Variants in DAPK1 observed in about 807,000 individuals in gnomAD.
DAPK1 encodes death associated protein kinase 1, also known as death-associated protein kinase 1.
Under a neutral mutation model 144.9 loss-of-function variants are expected in DAPK1, and 56 were observed. The observed-to-expected ratio is 0.39, with a 90% CI of 0.31 to 0.48. DAPK1 has a LOEUF of 0.48. Among genes scored for constraint, DAPK1 ranks in the 20% least tolerant of loss-of-function variants. The pLI, the probability that DAPK1 is intolerant of heterozygous loss-of-function variation, is 0.95. For synonymous variants in DAPK1, 690 were observed against 749.0 expected (o/e 0.92, Z 1.29); for missense variants, 1,454 against 1,875.4 (o/e 0.78, Z 4.15).
intron 3 of DAPK1, chr9:87,631,975 T>C: frequency 3.1e-6 from 2 of 646,074 alleles, no homozygotes; most frequent in East Asian, 1.3e-4. Flanking sequence ...TGAGTATATA[T>C]GTAGAAATAA....
At position 87,605,118 on chromosome 9, in the gene DAPK1, T is replaced by G; in HGVS notation, c.227T>G (p.Val76Gly). 6.2e-7 allele frequency: 1 copy of G among 1,614,154 alleles called. No homozygotes were observed. Among genetic ancestry groups the G allele is most frequent in the Non-Finnish European group, 8.5e-7 (1 of 1,180,026 alleles). ...CTGAAGGAGATCCAGCACCCCAATG[T>G]CATCACCCTGCACGAGGTCTATGAG... ...SILKEIQHPN[V>G]ITLHEVYENK... The change falls in exon 3 of 26, where the codon GTC (valine) becomes GGC (glycine). Residue 76 changes from valine (V) to glycine (G), a missense_variant. Val to Gly is a moderately radical substitution (Grantham distance 109). Around this residue, in one of 2 missense-constraint regions of DAPK1, gnomAD observed 429 missense variants for 637.5 expected, o/e 0.67. Transcript: ENST00000408954.
intron 2 of DAPK1, among the ~76,000 whole-genome samples, chr9:87,500,927 A>G (rs1016099894): frequency 9.9e-5 from 15 of 152,260 alleles, no homozygotes; most frequent in African/African-American, 3.4e-4. Context: ...GTACAGACTC[A>G]TCTATCTTGT....
intron 3 of DAPK1, among the ~76,000 whole-genome samples, chr9:87,619,531 C>T (rs1468490113): frequency 6.6e-6 from 1 of 152,154 alleles, no homozygotes; most frequent in African/African-American, 2.4e-5. Context: ...GAGCCACAGG[C>T]ACTGCTTCCC....
intron 3 of DAPK1, among the ~76,000 whole-genome samples, chr9:87,625,170 T>A (rs1829448952): frequency 6.6e-6 from 1 of 152,164 alleles, no homozygotes; most frequent in Non-Finnish European, 1.5e-5. Flanking sequence ...TTAATCGCTG[T>A]CCCAGAAGGC....
At chr9:87,557,241 C>T (rs932044500) in intron 2 of DAPK1, among the ~76,000 whole-genome samples, 1 of 152,128 alleles carries the variant, frequency 6.6e-6, no homozygotes, top group African/African-American at 2.4e-5. Flanking sequence ...CAGGCAGCCC[C>T]ATGAGGAATG....
chr9:87,617,047 C>T (rs1829122638), intron 3 of DAPK1, among the ~76,000 whole-genome samples: 1 of 152,202 alleles, frequency 6.6e-6, no homozygotes, highest in Non-Finnish European at 1.5e-5. Flanking sequence ...ACACTTCAGT[C>T]CTGATGCTGT....
At chr9:87,657,965 C>T (rs184154796) in intron 17 of DAPK1, 64 bp from the exon 18 acceptor site, 3 of 731,896 alleles carry the variant, frequency 4.1e-6, no homozygotes, top group East Asian at 2.6e-5. Context: ...CTTGTGTCTC[C>T]GGAATGTCAT....
chr9:87,678,037 A>T (rs1364692805), intron 19 of DAPK1, among the ~76,000 whole-genome samples: 1 of 152,258 alleles, frequency 6.6e-6, no homozygotes, highest in South Asian at 2.1e-4. Flanking sequence ...GGACATTGCT[A>T]TCAAGACCCC....
chr9:87,676,339 G>A (rs935716566), intron 19 of DAPK1, among the ~76,000 whole-genome samples: 1 of 152,244 alleles, frequency 6.6e-6, no homozygotes, highest in African/African-American at 2.4e-5. Flanking sequence ...TCTCTGAGTT[G>A]GAGATAGATC....
chr9:87,504,079 C>T (rs766129522), intron 2 of DAPK1, among the ~76,000 whole-genome samples: 1 of 152,116 alleles, frequency 6.6e-6, no homozygotes, highest in Non-Finnish European at 1.5e-5. Context: ...AGGGGAGAGA[C>T]TTTCTGGCAT....
intron 2 of DAPK1, among the ~76,000 whole-genome samples, chr9:87,538,356 A>G (rs943063872): frequency 6.6e-6 from 1 of 152,210 alleles, no homozygotes; most frequent in Admixed American, 6.5e-5. Context: ...AAAGAAAATC[A>G]TTGTAAATAT....
chr9:87,641,025 G>A (rs1325790009), intron 9 of DAPK1, among the ~76,000 whole-genome samples, 178 bp downstream of exon 9: 1 of 152,194 alleles, frequency 6.6e-6, no homozygotes, highest in East Asian at 1.9e-4. Flanking sequence ...AATGATCCCA[G>A]AGGTGGGGAG....
chr9:87,637,966 A>G lies in DAPK1; in HGVS notation c.308A>G (p.Asp103Gly). The G allele has an allele frequency of 6.2e-7, 1 of 1,614,070 alleles. No homozygotes were observed. Among genetic ancestry groups the G allele is most frequent in the Non-Finnish European group, 8.5e-7 (1 of 1,179,940 alleles). The change falls in exon 4 of 26, where the codon GAC (aspartate) becomes GGC (glycine). Residue 103 changes from aspartate (D) to glycine (G), a missense_variant. Asp to Gly is a moderately conservative substitution (Grantham distance 94). Transcript: ENST00000408954. ...LELVAGGELF[D>G]FLAEKESLTE... ...AGCGTTGCAGGTGGCGAGCTGTTTG[A>G]CTTCTTAGCTGAAAAGGAATCTTTA... is the stretch of plus-strand genomic sequence containing the variant.
At chr9:87,612,074 C>T (rs1368412530) in intron 3 of DAPK1, among the ~76,000 whole-genome samples, 2 of 152,210 alleles carry the variant, frequency 1.3e-5, no homozygotes, top group Non-Finnish European at 2.9e-5. Flanking sequence ...CAAGAGAGGG[C>T]AAGAGCCCAC....
chr9:87,627,384 T>TA (rs1263357517), intron 3 of DAPK1, among the ~76,000 whole-genome samples: 2 of 152,120 alleles, frequency 1.3e-5, no homozygotes, highest in Non-Finnish European at 2.9e-5. Context: ...AGGAGGAAAA[T>TA]AGAGTCACAG....
intron 2 of DAPK1, among the ~76,000 whole-genome samples, chr9:87,552,036 T>C (rs1399550215): frequency 6.6e-6 from 1 of 151,602 alleles, no homozygotes; most frequent in Non-Finnish European, 1.5e-5. Context: ...AAGATCAAGT[T>C]CTAAACCAGC....
chr9:87,632,298 T>A, intron 3 of DAPK1: 2 of 983,546 alleles, frequency 2.0e-6, no homozygotes, highest in African/African-American at 3.5e-5. Flanking sequence ...AGTACACATG[T>A]AGAAATGAAG....
intron 2 of DAPK1, among the ~76,000 whole-genome samples, chr9:87,566,370 A>G (rs1397482890): frequency 1.3e-5 from 2 of 152,130 alleles, no homozygotes; most frequent in Non-Finnish European, 2.9e-5. Context: ...CTATGTCATT[A>G]TAGAGTTGGT....
chr9:87,547,699 G>C (rs920059889), intron 2 of DAPK1, among the ~76,000 whole-genome samples: 3 of 152,160 alleles, frequency 2.0e-5, no homozygotes, highest in African/African-American at 7.2e-5. Flanking sequence ...GTCGGGGCAG[G>C]GGTGGGGGTG....
Sources: allele counts gnomAD v4.1 joint callset (sites outside exome capture counted in the v4.1 genomes callset), GRCh38; gene constraint gnomAD v4.1.1; regional missense constraint gnomAD v4.1.1; transcripts MANE v1.5; gene names NCBI Gene and HGNC (gene_info 2026-07-23, HGNC 2026-07-21).